SGK3: variants seen among roughly 807,000 people sequenced by gnomAD.
SGK3 encodes serum/glucocorticoid regulated kinase family member 3.
SGK3 carries 47 observed loss-of-function variants against 68.5 expected under a neutral mutation model. That is an observed-to-expected ratio of 0.69 (90% confidence interval 0.54 to 0.87). The LOEUF (loss-of-function observed/expected upper bound fraction) is 0.87. Ranked by LOEUF, SGK3 falls within the 40% of genes least tolerant of loss-of-function variation. The pLI is 0.00. For synonymous variants in SGK3, 181 were observed against 189.1 expected, an observed-to-expected ratio of 0.96 and a Z score of 0.35; for missense variants, 479 against 575.5, an observed-to-expected ratio of 0.83 and a Z score of 1.72.
At chr8:66,720,794 T>TATATATATAA (rs1345105959) in intron 1 of SGK3, among the ~76,000 whole-genome samples, 1 of 149,734 alleles carries the variant, frequency 6.7e-6, no homozygotes, top group African/African-American at 2.5e-5. Context: ...TATATATATA[T>TATATATATAA]AATTAGCCAG....
intron 5 of SGK3, among the ~76,000 whole-genome samples, chr8:66,816,067 TC>T (rs1808563003): frequency 1.3e-5 from 2 of 152,174 alleles, no homozygotes; most frequent in African/African-American, 4.8e-5. Flanking sequence ...TGGTGTGATC[TC>T]AGCTCACTGC....
At chr8:66,716,637 T>C (rs186312851) in intron 1 of SGK3, among the ~76,000 whole-genome samples, 1 of 152,174 alleles carries the variant, frequency 6.6e-6, no homozygotes, top group Admixed American at 6.5e-5. Context: ...TGATAATATG[T>C]AAGACGGAAA....
intron 13 of SGK3, among the ~76,000 whole-genome samples, chr8:66,842,798 G>T (rs142316310): frequency 6.6e-6 from 1 of 152,136 alleles, no homozygotes; most frequent in Admixed American, 6.5e-5. Context: ...GCCGGGTGCC[G>T]TGGCTCATGC....
chr8:66,808,854 ATAAT>A (rs937818084), intron 4 of SGK3, among the ~76,000 whole-genome samples: 2 of 148,760 alleles, frequency 1.3e-5, no homozygotes, highest in African/African-American at 5.0e-5. Flanking sequence ...ATAGTTTGAA[ATAAT>A]TATTTATTTA....
chr8:66,773,920 G>A (rs561012351), intron 1 of SGK3, among the ~76,000 whole-genome samples: 5 of 152,286 alleles, frequency 3.3e-5, no homozygotes, highest in South Asian at 2.1e-4. Context: ...GGTATGTGTC[G>A]GGGACTGGTG....
At chr8:66,787,664 GCTGA>G (rs1386324036) in intron 1 of SGK3, among the ~76,000 whole-genome samples, 1 of 152,188 alleles carries the variant, frequency 6.6e-6, no homozygotes, top group African/African-American at 2.4e-5. Context: ...TGGGAAAGAG[GCTGA>G]CTGACATCCG....
At chr8:66,771,534 T>C (rs1203571779) in intron 1 of SGK3, among the ~76,000 whole-genome samples, 1 of 152,190 alleles carries the variant, frequency 6.6e-6, no homozygotes, top group African/African-American at 2.4e-5. Context: ...CTTGCTAACA[T>C]AGGGAATTTA....
At chr8:66,847,674 T>A (rs577376256) in intron 15 of SGK3, among the ~76,000 whole-genome samples, 1 of 152,152 alleles carries the variant, frequency 6.6e-6, no homozygotes, top group Non-Finnish European at 1.5e-5. Flanking sequence ...ACCTAAACTT[T>A]CTTTTGCTGT....
chr8:66,788,442 C>T (rs1807298774), intron 1 of SGK3, among the ~76,000 whole-genome samples: 1 of 152,196 alleles, frequency 6.6e-6, no homozygotes, highest in Non-Finnish European at 1.5e-5. Context: ...GAAACTCTTA[C>T]CCTTTTCTTG....
At chr8:66,733,641 T>TC (rs1305081313) in intron 1 of SGK3, among the ~76,000 whole-genome samples, 1 of 152,154 alleles carries the variant, frequency 6.6e-6, no homozygotes, top group Non-Finnish European at 1.5e-5. Context: ...TTTCAGTAAC[T>TC]CTTAGTAAGT....
intron 1 of SGK3, among the ~76,000 whole-genome samples, chr8:66,727,428 A>G (rs995515894): frequency 6.6e-6 from 1 of 152,144 alleles, no homozygotes; most frequent in African/African-American, 2.4e-5. Context: ...TTATCCTATG[A>G]TTCTCTTATT....
intron 1 of SGK3, among the ~76,000 whole-genome samples, chr8:66,785,695 C>T (rs139619844): frequency 5.0e-4 from 76 of 152,288 alleles, no homozygotes; most frequent in Non-Finnish European, 9.0e-4. Flanking sequence ...GCAGATTCAC[C>T]GTTCCTCCTA....
At chr8:66,753,072 G>C (rs1805871188) in intron 1 of SGK3, among the ~76,000 whole-genome samples, 1 of 152,134 alleles carries the variant, frequency 6.6e-6, no homozygotes, top group Non-Finnish European at 1.5e-5. Flanking sequence ...AAAAAGCTCT[G>C]AATATTACAA....
chr8:66,768,023 C>CT (rs1563617086), intron 1 of SGK3: 1 of 716,352 alleles, frequency 1.4e-6, no homozygotes, highest in Non-Finnish European at 2.6e-6. Flanking sequence ...TATTGCCGCT[C>CT]TCAACCAGAT....
intron 1 of SGK3, among the ~76,000 whole-genome samples, chr8:66,754,640 AT>A (rs1227262438): frequency 6.6e-6 from 1 of 152,254 alleles, no homozygotes; most frequent in Non-Finnish European, 1.5e-5. Flanking sequence ...TCTGAAGGTC[AT>A]TTTATACAAT....
intron 5 of SGK3, among the ~76,000 whole-genome samples, chr8:66,819,912 G>T (rs905783296): frequency 6.6e-6 from 1 of 151,742 alleles, no homozygotes; most frequent in Non-Finnish European, 1.5e-5. Flanking sequence ...CCGCCTCCTG[G>T]GTTCAAGAGA....
At chr8:66,854,751 G>A (rs1450748832) in intron 16 of SGK3, among the ~76,000 whole-genome samples, 1 of 152,102 alleles carries the variant, frequency 6.6e-6, no homozygotes, top group Non-Finnish European at 1.5e-5. Flanking sequence ...AAGTGGAGGG[G>A]AGAAAAAAGG....
At chr8:66,780,794 G>GA (rs1806941871) in intron 1 of SGK3, among the ~76,000 whole-genome samples, 1 of 152,180 alleles carries the variant, frequency 6.6e-6, no homozygotes, top group African/African-American at 2.4e-5. Context: ...GGAAGCCGTG[G>GA]AAAGGGGGTT....
rs183587818 is a variant in SGK3 at position 66,844,725 on chromosome 8, A to G, written c.1074+1178A>G. Among the ~76,000 whole-genome samples, 287 of 152,284 alleles carry G rather than the reference A, an allele frequency of 1.9e-3. 1 individual carries two copies. Among genetic ancestry groups the G allele is most frequent in the Non-Finnish European group, 2.7e-3 (184 of 67,998 alleles). On this transcript the variant is annotated intron_variant, in intron 14 of 16. Coordinates refer to ENST00000521198, the MANE Select transcript of SGK3 (RefSeq NM_001033578.3). ...CAGCCAAGACCTGAGCTGAGTGTCTATTTGCTTTTTATTGAAAACTGTGGC... is the reference window on the plus strand; with the variant it reads ...CAGCCAAGACCTGAGCTGAGTGTCTGTTTGCTTTTTATTGAAAACTGTGGC...
Sources: allele counts gnomAD v4.1 joint callset (sites outside exome capture counted in the v4.1 genomes callset), GRCh38; gene constraint gnomAD v4.1.1; transcripts MANE v1.5; gene names NCBI Gene and HGNC (gene_info 2026-07-23, HGNC 2026-07-21).